The following KIAA1217 variants were observed in gnomAD, a reference collection of about 807,000 sequenced individuals.
KIAA1217 encodes the protein KIAA1217.
KIAA1217 carries 88 observed loss-of-function variants against 163.9 expected under a neutral mutation model. The ratio of observed to expected loss-of-function variants is 0.54; its 90% CI spans 0.45 to 0.64. The LOEUF is 0.64. Ranked by LOEUF, KIAA1217 falls within the 30% of genes least tolerant of loss-of-function variation. The pLI is 0.00. For missense variants in KIAA1217, 2,372 were observed against 2,475.0 expected, an observed-to-expected ratio of 0.96 and a Z score of 0.88; for synonymous variants, 903 against 923.1, an observed-to-expected ratio of 0.98 and a Z score of 0.39.
At chr10:24,449,611 G>C (rs1018561433) in intron 5 of KIAA1217, 1 of 985,196 alleles carries the variant, frequency 1.0e-6, no homozygotes, top group Admixed American at 6.2e-5. Flanking sequence ...CACATATTTT[G>C]ACTAAAAGCT....
intron 6 of KIAA1217, chr10:24,481,595 A>G (rs2064707659): frequency 6.6e-6 from 1 of 152,162 alleles, no homozygotes; most frequent in African/African-American, 2.4e-5. Context: ...CTAATAATAC[A>G]TTGTAGGTTA....
intron 2 of KIAA1217, among the ~76,000 whole-genome samples, chr10:24,353,290 T>C (rs967052805): frequency 2.6e-5 from 4 of 152,204 alleles, no homozygotes; most frequent in Non-Finnish European, 5.9e-5. Flanking sequence ...CACTATATTT[T>C]GTTTGTTACA....
chr10:24,293,318 G>C (rs2079286949), intron 2 of KIAA1217, among the ~76,000 whole-genome samples: 1 of 152,156 alleles, frequency 6.6e-6, no homozygotes, highest in Non-Finnish European at 1.5e-5. Context: ...TGATCTGCCA[G>C]CGTCGGCCTC....
chr10:23,887,134 G>C (rs1261061625), intron 1 of KIAA1217, among the ~76,000 whole-genome samples: 1 of 151,772 alleles, frequency 6.6e-6, no homozygotes, highest in Non-Finnish European at 1.5e-5. Context: ...ACATCATTTA[G>C]TTCCTCTGAA....
At chr10:23,769,309 G>C (rs1438592104) in intron 1 of KIAA1217, among the ~76,000 whole-genome samples, 1 of 152,178 alleles carries the variant, frequency 6.6e-6, no homozygotes, top group African/African-American at 2.4e-5. Flanking sequence ...AGTGGTGCCA[G>C]CTGATCCATT....
intron 1 of KIAA1217, among the ~76,000 whole-genome samples, chr10:23,742,589 T>C (rs1588701195): frequency 6.7e-6 from 1 of 150,206 alleles, no homozygotes. Context: ...GAGGGGGAGG[T>C]GCCACACACT....
intron 2 of KIAA1217, among the ~76,000 whole-genome samples, chr10:24,183,434 C>T (rs1214309296): frequency 6.6e-6 from 1 of 152,176 alleles, no homozygotes; most frequent in African/African-American, 2.4e-5. Context: ...TCATCTGCTT[C>T]TCATTCATCT....
chr10:23,904,015 C>A (rs1366194792), intron 1 of KIAA1217, among the ~76,000 whole-genome samples: 4 of 152,042 alleles, frequency 2.6e-5, no homozygotes, highest in Non-Finnish European at 5.9e-5. Flanking sequence ...TCTGGATATT[C>A]TGAAATATTT....
At chr10:24,170,837 C>T (rs1465347285) in intron 2 of KIAA1217, among the ~76,000 whole-genome samples, 1 of 152,174 alleles carries the variant, frequency 6.6e-6, no homozygotes, top group African/African-American at 2.4e-5. Context: ...GAGATATCCT[C>T]CCTGGAACTG....
intron 9 of KIAA1217, among the ~76,000 whole-genome samples, chr10:24,506,182 G>A (rs2068327158): frequency 6.6e-6 from 1 of 152,188 alleles, no homozygotes; most frequent in African/African-American, 2.4e-5. Flanking sequence ...GTTCCCTGAA[G>A]CCTGCAGGAA....
chr10:24,226,322 C>T (rs1053806469), intron 2 of KIAA1217, among the ~76,000 whole-genome samples: 15 of 152,054 alleles, frequency 9.9e-5, no homozygotes, highest in Admixed American at 8.5e-4. Context: ...CTTCCATTGC[C>T]GTTTCTTTAA....
In KIAA1217 at chr10:23,836,899, G is replaced by T. The variant is rs113453713; in HGVS notation, c.-321+141665G>T. On this transcript the variant is annotated intron_variant, in intron 1 of 18. Transcript: ENST00000376462. Reference sequence around the variant, plus strand: ...GATCGTGTCACTGCACTCTAGCCTGGGTGACAGAGTGAGACCCTGTGGGAA... The same window carrying T: ...GATCGTGTCACTGCACTCTAGCCTGTGTGACAGAGTGAGACCCTGTGGGAA... Among the ~76,000 whole-genome samples the T allele has an allele frequency of 4.8e-3, 707 of 146,350 alleles. 10 individuals are homozygous for T. Among genetic ancestry groups the T allele is most frequent in the African/African-American group, 0.016 (635 of 40,092 alleles).
intron 1 of KIAA1217, among the ~76,000 whole-genome samples, chr10:23,794,828 A>G (rs1836122644): frequency 6.6e-6 from 1 of 152,234 alleles, no homozygotes; most frequent in South Asian, 2.1e-4. Flanking sequence ...ATAAAGATAC[A>G]TCTTTTATCT....
intron 1 of KIAA1217, among the ~76,000 whole-genome samples, chr10:23,905,367 C>T (rs1257883415): frequency 1.3e-5 from 2 of 152,038 alleles, no homozygotes; most frequent in African/African-American, 2.4e-5. Context: ...TCCTGCCCCA[C>T]ACCCACAGCC....
In KIAA1217 at chr10:24,145,732, A is replaced by G. The variant is rs12251070; in HGVS notation, c.-170-73894A>G. Among the ~76,000 whole-genome samples the G allele has an allele frequency of 3.0e-3, 462 of 152,380 alleles. 1 individual carries two copies. Among genetic ancestry groups the G allele is most frequent in the African/African-American group, 0.011 (437 of 41,592 alleles). On this transcript the variant is annotated intron_variant, in intron 2 of 18. Coordinates refer to the KIAA1217 transcript ENST00000376462. The stretch of plus-strand genomic sequence containing the variant: ...GTGGCCGAAGGCCCGAGAGCCCCTG[A>G]CAAACCATTCGTGTTAAGTCCAAGA...
chr10:24,543,589 A>G lies in KIAA1217; in HGVS notation c.4319A>G (p.Lys1440Arg), dbSNP rs2075362143. 1 of 1,614,188 alleles carries G rather than the reference A, an allele frequency of 6.2e-7. No homozygotes were observed. Among genetic ancestry groups the G allele is most frequent in the Non-Finnish European group, 8.5e-7 (1 of 1,180,040 alleles). ...DNEDPVVCLD[K>R]KPVIIIFDEP... is the part of the protein sequence containing the mutation. ...GAGGATCCAGTCGTGTGCCTGGACA[A>G]GAAACCAGTGATCATCATTTTCGAT... Residue 1440 changes from lysine to arginine, a missense_variant, in exon 19 of 21, where the codon AAG becomes AGG. Physicochemically the swap from Lys to Arg is conservative, Grantham distance 26. Around this residue, in one of 3 missense-constraint regions of KIAA1217, gnomAD observed 690 missense variants for 677.5 expected, o/e 1.02. Transcript: ENST00000376454.
chr10:24,067,547 G>A (rs142543332), intron 2 of KIAA1217, among the ~76,000 whole-genome samples: 2,853 of 152,238 alleles, frequency 0.019, 92 homozygotes, highest in African/African-American at 0.066. Flanking sequence ...GTGTCAGTCC[G>A]CCCCTACTGG....
At chr10:24,067,464 G>C (rs1359602293) in intron 2 of KIAA1217, among the ~76,000 whole-genome samples, 2 of 152,186 alleles carry the variant, frequency 1.3e-5, no homozygotes, top group Non-Finnish European at 2.9e-5. Flanking sequence ...AGCGGATATT[G>C]GTGAACCGCA....
chr10:24,545,208 T>TACATAG (rs1465690740), intron 20 of KIAA1217, 105 bp downstream of exon 20: 5 of 1,519,112 alleles, frequency 3.3e-6, no homozygotes, highest in Non-Finnish European at 4.4e-6. Flanking sequence ...GATAACGGTT[T>TACATAG]ACATAGACAT....
Sources: allele counts gnomAD v4.1 joint callset (sites outside exome capture counted in the v4.1 genomes callset), GRCh38; gene constraint gnomAD v4.1.1; regional missense constraint gnomAD v4.1.1; transcripts MANE v1.5; gene names NCBI Gene and HGNC (gene_info 2026-07-23, HGNC 2026-07-21).